The following TET3 variants were observed in gnomAD, a reference collection of about 807,000 sequenced individuals.
TET3 encodes methylcytosine dioxygenase TET3.
TET3 carries 19 observed loss-of-function variants against 141.4 expected under a neutral mutation model. The ratio of observed to expected loss-of-function variants is 0.13; its 90% CI spans 0.09 to 0.20. The LOEUF is 0.20. Ranked by LOEUF, TET3 falls within the 10% of genes least tolerant of loss-of-function variation. TET3 has a pLI of 1.00. For missense variants in TET3, 1,874 were observed against 2,356.9 expected (o/e 0.80, Z 4.24); for synonymous variants, 1,043 against 980.9 (o/e 1.06, Z -1.18).
the TET3 span, among the ~76,000 whole-genome samples, chr2:74,133,882 T>C: frequency 6.6e-6 from 1 of 152,068 alleles, no homozygotes; most frequent in Admixed American, 6.5e-5. Flanking sequence ...GTAGCTGGGA[T>C]TACAGGCGCG....
At chr2:73,994,479 G>A (rs867687151) in intron 2 of TET3, among the ~76,000 whole-genome samples, 1 of 152,158 alleles carries the variant, frequency 6.6e-6, no homozygotes, top group African/African-American at 2.4e-5. Context: ...TGTGACCAGT[G>A]CCTGCACGAG....
the TET3 span, chr2:74,135,301 G>C: frequency 1.9e-6 from 1 of 515,444 alleles, no homozygotes; most frequent in South Asian, 2.9e-5. Context: ...CTCTTCAAAA[G>C]ACAAAAAGCT....
chr2:74,072,135 T>C (rs909112008), intron 4 of TET3, among the ~76,000 whole-genome samples: 2 of 152,200 alleles, frequency 1.3e-5, no homozygotes, highest in Non-Finnish European at 2.9e-5. Flanking sequence ...TTTGCCTTTT[T>C]GTTTCTATAG....
rs947659070 is a variant in TET3 at position 74,087,743 on chromosome 2, T to A, written c.2680-87T>A. ...AACCCTGCCGTTAAGACCTGCACCC[T>A]GGGTCTGTGTGACAAAGGGAGGGGT... On this transcript the variant is annotated intron_variant, in intron 6 of 11. Coordinates refer to ENST00000409262, the MANE Select transcript of TET3 (RefSeq NM_001287491.2). The surrounding 1 kb of genome is among the most constrained non-coding windows in gnomAD (Gnocchi z 4.3). 5.5e-5 allele frequency: 74 copies of A among 1,353,922 alleles called. No individual in the cohort carries two copies. In the African/African-American group the frequency reaches 1.0e-3, roughly 18 times the overall value. The allele number at this position is 1,353,922 out of a possible 1,614,324, so 83.9% of individuals were successfully genotyped here. A position where few individuals can be genotyped will look rare whatever the true frequency, so the allele number is the denominator to read the frequency against.
chr2:74,101,020 CCA>C lies in TET3; in HGVS notation c.4233_4234del (p.Asp1413ArgfsTer37). On this transcript the variant is annotated frameshift_variant, in exon 12 of 12. Coordinates refer to ENST00000409262, the MANE Select transcript of TET3 (RefSeq NM_001287491.2). LOFTEE classifies it high-confidence loss of function. This position sits in a 1 kb window ranked among gnomAD's most constrained non-coding sequence, Gnocchi z 8.5. The stretch of plus-strand genomic sequence containing the variant: ...CCGCTGACCCAGGCTGAGCCTGTGC[CCA>C]GAGACGCTGGCAAGATGGGCAAGAC... 1 of 1,613,122 alleles carries C rather than the reference CCA, an allele frequency of 6.2e-7. No homozygotes were observed. Among genetic ancestry groups the C allele is most frequent in the Non-Finnish European group, 8.5e-7 (1 of 1,179,550 alleles).
At chr2:74,114,712 G>A in the TET3 span, among the ~76,000 whole-genome samples, 4 of 151,616 alleles carry the variant, frequency 2.6e-5, no homozygotes, top group Non-Finnish European at 5.9e-5. Context: ...AAATTGGCTG[G>A]GTGTGGTGGC....
At chr2:74,003,844 GT>G (rs1258285490) in intron 3 of TET3, among the ~76,000 whole-genome samples, 1 of 148,746 alleles carries the variant, frequency 6.7e-6, no homozygotes, top group Non-Finnish European at 1.5e-5. Flanking sequence ...TCTCCTTGTG[GT>G]TGTCTGGGGG....
At position 74,082,442 on chromosome 2, in the gene TET3, A is replaced by G. The variant is rs78222601; in HGVS notation, c.2679+1851A>G. ...TGGGGCGCAGTGAACTGGAGGTTAC[A>G]TTCAAGGAGGGAACAACTCGTGGGT... On this transcript the variant is annotated intron_variant, in intron 6 of 11. Coordinates refer to ENST00000409262, the MANE Select transcript of TET3 (RefSeq NM_001287491.2). Among the ~76,000 whole-genome samples, 1,507 of 152,254 alleles carry G rather than the reference A, an allele frequency of 9.9e-3. 26 individuals are homozygous for G. Among genetic ancestry groups the G allele is most frequent in the African/African-American group, 0.035 (1,445 of 41,506 alleles).
Position 74,101,305 on chromosome 2 carries a change from G to A in TET3, c.4517G>A (p.Gly1506Glu). Reference sequence around the variant, plus strand: ...CAGCAGGCAGCTTCCCACTCTGGAGGACGGCTGCGAGGCAAACCGTGGAGC... The same window carrying A: ...CAGCAGGCAGCTTCCCACTCTGGAGAACGGCTGCGAGGCAAACCGTGGAGC... ...EGQQAASHSG[G>E]RLRGKPWSPC... Residue 1506 changes from glycine to glutamate, a missense_variant, in exon 12 of 12, where the codon GGA becomes GAA. By Grantham distance (98) the Gly-to-Glu change is moderately conservative. This residue lies in a region of TET3 where 602 missense variants were observed against 590.2 expected (regional missense o/e 1.02). Transcript: ENST00000409262. The surrounding 1 kb of genome is among the most constrained non-coding windows in gnomAD (Gnocchi z 8.5). 1 of 1,613,274 alleles carries A rather than the reference G, an allele frequency of 6.2e-7. No homozygotes were observed. The highest frequency in any genetic ancestry group is 8.5e-7 in the Non-Finnish European group (1 of 1,179,640).
chr2:74,061,215 C>G (rs1242915312), intron 4 of TET3, among the ~76,000 whole-genome samples: 1 of 147,566 alleles, frequency 6.8e-6, no homozygotes, highest in South Asian at 2.1e-4. Flanking sequence ...ACCTCCCTCC[C>G]GGACGGGGTG....
At position 74,101,502 on chromosome 2, in the gene TET3, G is replaced by A. The variant is rs1467412695; in HGVS notation, c.4714G>A (p.Ala1572Thr). 6.2e-7 allele frequency: 1 copy of A among 1,612,930 alleles called. No homozygotes were observed. The highest frequency in any genetic ancestry group is 1.1e-5 in the South Asian group (1 of 90,924). ...GEEGRIPAAG[A>T]SQLDRAWQSF... ...GGAGGGCAGGATTCCAGCCGCAGGG[G>A]CCAGCCAGCTGGACAGGGCCTGGCA... Residue 1572 changes from alanine to threonine, a missense_variant, in exon 12 of 12, where the codon GCC becomes ACC. Transcript: ENST00000409262. The surrounding 1 kb of genome is among the most constrained non-coding windows in gnomAD (Gnocchi z 8.5).
intron 4 of TET3, among the ~76,000 whole-genome samples, chr2:74,065,731 C>A (rs866249267): frequency 2.1e-5 from 3 of 142,002 alleles, no homozygotes; most frequent in African/African-American, 7.8e-5. Context: ...CCTTTTCTTT[C>A]CCTTTCTTTC....
chr2:74,095,490 T>C (rs1690772365), intron 10 of TET3, among the ~76,000 whole-genome samples: 1 of 152,248 alleles, frequency 6.6e-6, no homozygotes, highest in Non-Finnish European at 1.5e-5. Context: ...CAAGACTCAT[T>C]TTTTAAAAAT....
At chr2:74,009,155 A>G (rs1573676447) in intron 3 of TET3, among the ~76,000 whole-genome samples, 1 of 152,294 alleles carries the variant, frequency 6.6e-6, no homozygotes, top group South Asian at 2.1e-4. Flanking sequence ...CCTGCTAAGC[A>G]GATGGAATTT....
Position 73,986,309 on chromosome 2 carries a change from T to C in TET3, c.-95T>C, listed in dbSNP as rs902397681. 8.8e-7 allele frequency: 1 copy of C among 1,137,478 alleles called. No homozygotes were observed. The highest frequency in any genetic ancestry group is 1.1e-6 in the Non-Finnish European group (1 of 902,488). 70.5% of individuals were successfully genotyped at this position (1,137,478 alleles called of 1,614,324 possible). A position where few individuals can be genotyped will look rare whatever the true frequency, so the allele number is the denominator to read the frequency against. On this transcript the variant is annotated 5_prime_UTR_variant, in exon 2 of 12. Coordinates refer to ENST00000409262, the MANE Select transcript of TET3 (RefSeq NM_001287491.2). ...CTTCACCCTTGTAGACTCTTGACTG[T>C]TCTAGGCGAGAAGGACCTGTTGGTG...
rs376591886 is a variant in TET3 at position 74,099,468 on chromosome 2, G to A, written c.3460G>A (p.Glu1154Lys). 4.3e-6 allele frequency: 7 copies of A among 1,613,620 alleles called. No individual in the cohort carries two copies. The highest frequency in any genetic ancestry group is 2.2e-5 in the East Asian group (1 of 44,886). ...CCCCCGCGAGGTCCGACGCCTGCCC[G>A]AGCCTGCCAAGTCCTGCCGCCAGCG... ...AFPREVRRLPEPAKSCRQRQL... is the reference protein window; with the variant it reads ...AFPREVRRLPKPAKSCRQRQL... The change falls in exon 11 of 12, where the codon GAG becomes AAG. Residue 1154 changes from glutamate to lysine, a missense_variant. By Grantham distance (56) the Glu-to-Lys change is moderately conservative. Transcript: ENST00000409262.
At chr2:73,985,641 C>T (rs1262665059) in intron 1 of TET3, among the ~76,000 whole-genome samples, 1 of 146,276 alleles carries the variant, frequency 6.8e-6, no homozygotes, top group African/African-American at 2.8e-5. Flanking sequence ...AAGCTCAGCT[C>T]CCTAGGGAGG....
At chr2:74,131,094 C>A in the TET3 span, among the ~76,000 whole-genome samples, 3 of 152,096 alleles carry the variant, frequency 2.0e-5, no homozygotes, top group Admixed American at 2.0e-4. Context: ...CCTCCGCTCT[C>A]CCGTTCCCTC....
intron 3 of TET3, among the ~76,000 whole-genome samples, chr2:74,041,709 A>G (rs1007925705): frequency 1.3e-5 from 2 of 152,206 alleles, no homozygotes; most frequent in Non-Finnish European, 2.9e-5. Context: ...TTTGAAAAAA[A>G]CTGGGTTATA....
Sources: gnomAD v4.1 joint callset for allele counts (sites outside exome capture counted in the v4.1 genomes callset) on GRCh38, gnomAD v4.1.1 for gene constraint, gnomAD v4.1.1 regional missense constraint, Gnocchi (gnomAD v3.1) non-coding constraint, MANE v1.5 for transcripts, NCBI Gene and HGNC (gene_info 2026-07-23, HGNC 2026-07-21) for gene names.